Variants in SVEP1 observed in about 807,000 individuals in gnomAD.
SVEP1 encodes sushi, von Willebrand factor type A, EGF and pentraxin domain-containing protein 1.
Under a neutral mutation model 367.3 loss-of-function variants are expected in SVEP1, and 164 were observed. The ratio of observed to expected loss-of-function variants is 0.45; its 90% CI spans 0.39 to 0.51. SVEP1 has a LOEUF of 0.51. Ranked by LOEUF, SVEP1 falls within the 20% of genes least tolerant of loss-of-function variation. The pLI is 0.00. For missense variants in SVEP1, 4,117 were observed against 4,425.3 expected (o/e 0.93, Z 1.98); for synonymous variants, 1,666 against 1,611.6 (o/e 1.03, Z -0.81).
intron 18 of SVEP1, among the ~76,000 whole-genome samples, chr9:110,461,735 A>G (rs185844488): frequency 6.8e-4 from 104 of 152,318 alleles, no homozygotes; most frequent in Admixed American, 7.8e-4. Flanking sequence ...TTCAATCAAG[A>G]GATGGCAGAA....
chr9:110,560,821 G>A lies in SVEP1; in HGVS notation c.532-10717C>T, dbSNP rs190348670. 2.8e-4 allele frequency among the ~76,000 whole-genome samples: 43 copies of A among 152,024 alleles called. No individual in the cohort carries two copies. In the East Asian group the frequency reaches 3.7e-3, roughly 13 times the overall value. On this transcript the variant is annotated intron_variant, in intron 1 of 47. Transcript: ENST00000374469. ...TATCTATCTAAATCACAATCTAATCGCCCCAGCCATGGTTCAGGAATTTCA... is the reference window on the plus strand; with the variant it reads ...TATCTATCTAAATCACAATCTAATCACCCCAGCCATGGTTCAGGAATTTCA...
chr9:110,387,177 T>A, intron 42 of SVEP1, 108 bp downstream of exon 42: 1 of 1,167,350 alleles, frequency 8.6e-7, no homozygotes, highest in Non-Finnish European at 1.2e-6. Flanking sequence ...AATTGCTTTC[T>A]CTGGGCCCAT....
chr9:110,578,875 G>A (rs542750977), intron 1 of SVEP1, 138 bp downstream of exon 1: 1 of 945,202 alleles, frequency 1.1e-6, no homozygotes, highest in East Asian at 2.6e-5. Context: ...CGATGACTCT[G>A]GTTTTGTGGA....
At chr9:110,368,558 G>A (rs901358954) in intron 47 of SVEP1, among the ~76,000 whole-genome samples, 3 of 152,052 alleles carry the variant, frequency 2.0e-5, no homozygotes, top group African/African-American at 7.2e-5. Context: ...AACTCCTATC[G>A]ACAGTTTTTA....
Position 110,416,917 on chromosome 9 carries a change from T to C in SVEP1, c.5976-5182A>G, listed in dbSNP as rs574090729. On this transcript the variant is annotated intron_variant, in intron 36 of 47. Transcript: ENST00000374469. ...TTCCTAGATTCTAACTATTAGATGC[T>C]AGTAGCATCTTCCCCCCAGTTGTGA... is the stretch of plus-strand genomic sequence containing the variant. Among the ~76,000 whole-genome samples the C allele has an allele frequency of 1.3e-5, 2 of 152,206 alleles. 1 individual carries two copies. The highest frequency in any genetic ancestry group is 4.1e-4 in the South Asian group (2 of 4,828).
Position 110,528,156 on chromosome 9 carries a change from G to GTGTGTGTGTATA in SVEP1, c.965-14051_965-14050insTATACACACACA. ...CGTGTGTGTGTGTGTGTGTGTGTGT[G>GTGTGTGTGTATA]TATATATATATATATATATATATAT... On this transcript the variant is annotated intron_variant, in intron 3 of 47. Coordinates refer to ENST00000374469, the MANE Select transcript of SVEP1 (RefSeq NM_153366.4). 2.8e-3 allele frequency among the ~76,000 whole-genome samples: 94 copies of GTGTGTGTGTATA among 33,942 alleles called. 2 individuals carry two copies. The highest frequency in any genetic ancestry group is 0.038 in the Middle Eastern group (1 of 26). The allele number at this position is 33,942 out of a possible 152,430, so 22.3% of individuals were successfully genotyped here.
intron 26 of SVEP1, among the ~76,000 whole-genome samples, chr9:110,444,146 T>G (rs879559839): frequency 6.6e-6 from 1 of 152,202 alleles, no homozygotes; most frequent in Non-Finnish European, 1.5e-5. Flanking sequence ...TCATAGATAC[T>G]TCATCAAACA....
chr9:110,519,716 G>C (rs1829854028), intron 3 of SVEP1, among the ~76,000 whole-genome samples: 1 of 152,208 alleles, frequency 6.6e-6, no homozygotes, highest in African/African-American at 2.4e-5. Flanking sequence ...CTGATGGAGA[G>C]TGGAGGGTGG....
At chr9:110,431,554 T>C (rs1267101710) in intron 32 of SVEP1, among the ~76,000 whole-genome samples, 4 of 152,160 alleles carry the variant, frequency 2.6e-5, no homozygotes, top group Non-Finnish European at 5.9e-5. Flanking sequence ...AGGAAAGATA[T>C]TGATAGTGAA....
intron 36 of SVEP1, among the ~76,000 whole-genome samples, chr9:110,426,696 C>T (rs1205612267): frequency 1.3e-5 from 2 of 152,080 alleles, no homozygotes; most frequent in Non-Finnish European, 2.9e-5. Flanking sequence ...ATTTAGCCAC[C>T]CCTCCATACT....
At chr9:110,492,767 AG>A (rs752199000) in intron 8 of SVEP1, among the ~76,000 whole-genome samples, 7 of 152,102 alleles carry the variant, frequency 4.6e-5, no homozygotes, top group South Asian at 2.1e-4. Flanking sequence ...GGCAGGGGGA[AG>A]GGGGTGCCTA....
At chr9:110,573,654 A>G (rs1012582145) in intron 1 of SVEP1, among the ~76,000 whole-genome samples, 2 of 151,884 alleles carry the variant, frequency 1.3e-5, no homozygotes, top group Non-Finnish European at 2.9e-5. Context: ...CTCTGGTTTT[A>G]TTTTGATGTG....
chr9:110,500,419 A>T (rs1829514592), intron 6 of SVEP1, among the ~76,000 whole-genome samples: 1 of 152,098 alleles, frequency 6.6e-6, no homozygotes. Flanking sequence ...TTGTTTGTTT[A>T]TGGTACTTAC....
At chr9:110,577,395 G>C (rs987995218) in intron 1 of SVEP1, among the ~76,000 whole-genome samples, 1 of 151,716 alleles carries the variant, frequency 6.6e-6, no homozygotes, top group Non-Finnish European at 1.5e-5. Flanking sequence ...AGGACAGATG[G>C]CTATTAAGCA....
In SVEP1 at chr9:110,407,471, G is replaced by T; in HGVS notation, c.8129C>A (p.Pro2710Gln). The T allele has an allele frequency of 6.2e-7, 1 of 1,613,948 alleles. No homozygotes were observed. Among genetic ancestry groups the T allele is most frequent in the Non-Finnish European group, 8.5e-7 (1 of 1,179,898 alleles). ...GTCACATTCAATTGAAATGCAGGAT[G>T]GTGCACTGCCATTCCAAGTTCCATC... is the stretch of plus-strand genomic sequence containing the variant. ...QEDGTWNGSA[P>Q]SCISIECDLP... The change falls in exon 38 of 48, where the codon CCA becomes CAA. Residue 2710 changes from proline to glutamine, a missense_variant. This residue lies in a region of SVEP1 where 1,765 missense variants were observed against 1,781.1 expected (regional missense o/e 0.99). Coordinates refer to ENST00000374469, the MANE Select transcript of SVEP1 (RefSeq NM_153366.4).
intron 3 of SVEP1, among the ~76,000 whole-genome samples, chr9:110,529,900 A>G (rs1360972605): frequency 6.6e-6 from 1 of 152,156 alleles, no homozygotes; most frequent in Non-Finnish European, 1.5e-5. Context: ...TACTATGCTG[A>G]ATAAAGTGTT....
intron 24 of SVEP1, among the ~76,000 whole-genome samples, chr9:110,449,221 T>C (rs12379831): frequency 0.22 from 33,702 of 152,074 alleles, 4,423 homozygotes; most frequent in Non-Finnish European, 0.29. Flanking sequence ...AAGAGCTGCC[T>C]CAGGGAGACA....
chr9:110,536,219 T>C (rs1164680258), intron 3 of SVEP1, among the ~76,000 whole-genome samples: 2 of 152,086 alleles, frequency 1.3e-5, no homozygotes, highest in African/African-American at 4.8e-5. Flanking sequence ...TCATGTGGTT[T>C]TTGTCTTTAA....
intron 46 of SVEP1, among the ~76,000 whole-genome samples, chr9:110,375,062 G>A (rs1303425397): frequency 6.6e-6 from 1 of 151,860 alleles, no homozygotes; most frequent in African/African-American, 2.4e-5. Context: ...ATTAAAATAA[G>A]TATTATTCTG....
Sources: allele counts gnomAD v4.1 joint callset (sites outside exome capture counted in the v4.1 genomes callset), GRCh38; gene constraint gnomAD v4.1.1; regional missense constraint gnomAD v4.1.1; transcripts MANE v1.5; gene names NCBI Gene and HGNC (gene_info 2026-07-23, HGNC 2026-07-21).